Variants in TMEM233 observed in about 807,000 individuals in gnomAD.
TMEM233 encodes dispanin subfamily B member 2.
In TMEM233, 6 loss-of-function variants were observed where a neutral mutation model predicts 11.2. The observed-to-expected ratio is 0.54, with a 90% CI of 0.29 to 1.06. The LOEUF is 1.06. TMEM233 is among the 50% of genes least tolerant of loss of function. The pLI is 0.08. For synonymous variants in TMEM233, 59 were observed against 55.8 expected (o/e 1.06, Z -0.26); for missense variants, 127 against 144.7 (o/e 0.88, Z 0.63).
chr12:119,620,331 TA>T (rs1343272934), intron 1 of TMEM233, among the ~76,000 whole-genome samples: 1 of 152,196 alleles, frequency 6.6e-6, no homozygotes, highest in Non-Finnish European at 1.5e-5. Context: ...TAGATTTGGA[TA>T]ACCTTTCTGC....
intron 2 of TMEM233, among the ~76,000 whole-genome samples, 161 bp from the exon 3 acceptor site, chr12:119,640,538 C>A (rs1362475053): frequency 4.6e-5 from 7 of 152,290 alleles, no homozygotes; most frequent in African/African-American, 1.7e-4. Flanking sequence ...CAAAAGGAAG[C>A]CCCTGCTTAG....
At chr12:119,639,597 G>A (rs943693521) in intron 2 of TMEM233, among the ~76,000 whole-genome samples, 3 of 151,938 alleles carry the variant, frequency 2.0e-5, no homozygotes, top group Middle Eastern at 3.2e-3. Flanking sequence ...ACTCCAGCCT[G>A]GGCAACAGAG....
intron 1 of TMEM233, among the ~76,000 whole-genome samples, chr12:119,610,593 T>TAGTG (rs542903267): frequency 0.014 from 2,178 of 152,240 alleles, 58 homozygotes; most frequent in African/African-American, 0.05. Context: ...GTTCTCATGA[T>TAGTG]AGTGAGTTCT....
chr12:119,618,634 G>T (rs1283766187), intron 1 of TMEM233, among the ~76,000 whole-genome samples: 1 of 152,210 alleles, frequency 6.6e-6, no homozygotes, highest in African/African-American at 2.4e-5. Context: ...TTTAATGACT[G>T]CTCTATTGGA....
At chr12:119,627,393 TAAAG>T (rs1954786560) in intron 1 of TMEM233, among the ~76,000 whole-genome samples, 1 of 152,234 alleles carries the variant, frequency 6.6e-6, no homozygotes, top group Non-Finnish European at 1.5e-5. Context: ...GAATGATTTA[TAAAG>T]AAAGGAGGTT....
intron 1 of TMEM233, among the ~76,000 whole-genome samples, chr12:119,599,619 A>T (rs1954118935): frequency 6.6e-6 from 1 of 152,222 alleles, no homozygotes; most frequent in Non-Finnish European, 1.5e-5. Flanking sequence ...AGCCAACAAG[A>T]AGAAAGTCAA....
intron 1 of TMEM233, among the ~76,000 whole-genome samples, chr12:119,622,483 G>GA (rs959970547): frequency 2.0e-5 from 3 of 152,120 alleles, no homozygotes; most frequent in Admixed American, 1.3e-4. Context: ...AAGCTCTTCA[G>GA]AAAAAGATTT....
In TMEM233 at chr12:119,619,628, G is replaced by A. The variant is rs186457120; in HGVS notation, c.187-10108G>A. ...TGCACTCCAGCCTGGGTGACAGAGCGAGATCCTGTCTCAAGAAAAAAAAAA... is the reference window on the plus strand; with the variant it reads ...TGCACTCCAGCCTGGGTGACAGAGCAAGATCCTGTCTCAAGAAAAAAAAAA... On this transcript the variant is annotated intron_variant, in intron 1 of 2. Transcript: ENST00000426426. Among the ~76,000 whole-genome samples the A allele has an allele frequency of 1.4e-4, 21 of 149,746 alleles. No individual in the cohort carries two copies. The East Asian group carries it at 2.2e-3, about 15-fold the overall frequency.
intron 1 of TMEM233, among the ~76,000 whole-genome samples, chr12:119,608,378 G>A (rs1230449151): frequency 5.3e-5 from 8 of 152,162 alleles, no homozygotes; most frequent in Non-Finnish European, 8.8e-5. Flanking sequence ...AGACAGCAGC[G>A]ACAATGTCTC....
chr12:119,614,198 A>T (rs1376967129), intron 1 of TMEM233, among the ~76,000 whole-genome samples: 3 of 152,168 alleles, frequency 2.0e-5, no homozygotes, highest in Admixed American at 6.5e-5. Context: ...ACCTGAGGTC[A>T]GGAGTTCAAG....
intron 2 of TMEM233, among the ~76,000 whole-genome samples, chr12:119,630,092 A>C (rs1954848683): frequency 6.6e-6 from 1 of 152,252 alleles, no homozygotes; most frequent in African/African-American, 2.4e-5. Context: ...AAATGACCAA[A>C]TAGTTAATAT....
At position 119,593,836 on chromosome 12, in the gene TMEM233, G is replaced by T. The variant is rs550074566; in HGVS notation, c.-13G>T. On this transcript the variant is annotated 5_prime_UTR_variant, in exon 1 of 3. Transcript: ENST00000426426. This position sits in a 1 kb window ranked among gnomAD's most constrained non-coding sequence, Gnocchi z 4.1. ...TGCGCTCCTCCGCCCTCCCGGCGCC[G>T]CCGGCCTCGCCCATGTCTCAGTACG... 6.5e-7 allele frequency: 1 copy of T among 1,549,124 alleles called. No individual in the cohort carries two copies. Among genetic ancestry groups the T allele is most frequent in the Non-Finnish European group, 8.7e-7 (1 of 1,145,308 alleles).
At chr12:119,637,687 G>T (rs1389385543) in intron 2 of TMEM233, among the ~76,000 whole-genome samples, 2 of 152,122 alleles carry the variant, frequency 1.3e-5, no homozygotes. Context: ...GGTTAGAAGG[G>T]TCTTTCTCTG....
intron 1 of TMEM233, among the ~76,000 whole-genome samples, chr12:119,621,373 G>A (rs1330566495): frequency 6.6e-6 from 1 of 152,040 alleles, no homozygotes; most frequent in East Asian, 1.9e-4. Flanking sequence ...GTAGAGACAA[G>A]GGTCTTGCTA....
chr12:119,644,282 A>G (rs1231590462), downstream of TMEM233, among the ~76,000 whole-genome samples: 1 of 152,086 alleles, frequency 6.6e-6, no homozygotes, highest in Non-Finnish European at 1.5e-5. Context: ...CTCAAACCTT[A>G]TAGATTGAGG....
chr12:119,647,081 G>C (rs1014299359), downstream of TMEM233, among the ~76,000 whole-genome samples: 2 of 151,940 alleles, frequency 1.3e-5, no homozygotes, highest in Non-Finnish European at 2.9e-5. Context: ...TTTTGGAAGA[G>C]ATGGGAGTCT....
rs567468740 is a variant in TMEM233, at chr12:119,604,998, C to CTCT, written c.186+10965_186+10966insCTT. ...GCTAATTTCCTTCTTCCCTCACTATCTTTTTTTTTTTTTTGCCACGGGTGA... is the reference window on the plus strand; with the variant it reads ...GCTAATTTCCTTCTTCCCTCACTATCTCTTTTTTTTTTTTTTTGCCACGGGTGA... On this transcript the variant is annotated intron_variant, in intron 1 of 2. Coordinates refer to ENST00000426426, the MANE Select transcript of TMEM233 (RefSeq NM_001136534.3). Among the ~76,000 whole-genome samples, 186 of 141,466 alleles carry CTCT rather than the reference C, an allele frequency of 1.3e-3. 7 individuals are homozygous for CTCT. Among genetic ancestry groups the CTCT allele is most frequent in the Middle Eastern group, 3.5e-3 (1 of 284 alleles). The allele number at this position is 141,466 out of a possible 152,430, so 92.8% of individuals were successfully genotyped here.
At chr12:119,618,490 A>T (rs905008826) in intron 1 of TMEM233, among the ~76,000 whole-genome samples, 2 of 152,232 alleles carry the variant, frequency 1.3e-5, no homozygotes, top group Non-Finnish European at 2.9e-5. Flanking sequence ...CTGTGAAAGC[A>T]GCTAGGGAAG....
At chr12:119,629,575 G>A (rs918971008) in intron 1 of TMEM233, among the ~76,000 whole-genome samples, 161 bp from the exon 2 acceptor site, 3 of 152,180 alleles carry the variant, frequency 2.0e-5, no homozygotes, top group Non-Finnish European at 4.4e-5. Flanking sequence ...AAGGATTCCT[G>A]GAGGAGGGGA....
Sources: gnomAD v4.1 joint callset for allele counts (sites outside exome capture counted in the v4.1 genomes callset) on GRCh38, gnomAD v4.1.1 for gene constraint, Gnocchi (gnomAD v3.1) non-coding constraint, MANE v1.5 for transcripts, NCBI Gene and HGNC (gene_info 2026-07-23, HGNC 2026-07-21) for gene names.